The following ANXA11 variants were observed in gnomAD, a reference collection of about 807,000 sequenced individuals.
ANXA11 encodes 56 kDa autoantigen.
In ANXA11, 57 loss-of-function variants were observed where a neutral mutation model predicts 64.7. The ratio of observed to expected loss-of-function variants is 0.88; its 90% CI spans 0.71 to 1.10. The LOEUF is 1.10. ANXA11 is among the 50% of genes least tolerant of loss of function. The pLI is 0.00. For synonymous variants in ANXA11, 260 were observed against 265.2 expected (o/e 0.98, Z 0.19); for missense variants, 675 against 670.7 (o/e 1.01, Z -0.07).
In ANXA11 at chr10:80,205,470, C is replaced by CA; in HGVS notation, c.-186_-185insT. Reference sequence around the variant, plus strand: ...CTGGGTCCCACTCCCGCTCGCGGGGCCCGCGGGGCACTCGGGGCACTGGGG... The same window carrying CA: ...CTGGGTCCCACTCCCGCTCGCGGGGCACCGCGGGGCACTCGGGGCACTGGGG... On this transcript the variant is annotated 5_prime_UTR_variant, in exon 1 of 16. Transcript: ENST00000422982. The CA allele has an allele frequency of 6.6e-6, 1 of 151,948 alleles. No homozygotes were observed. Among genetic ancestry groups the CA allele is most frequent in the South Asian group, 2.1e-4 (1 of 4,836 alleles). The allele number at this position is 151,948 out of a possible 1,614,324, so 9.4% of individuals were successfully genotyped here. A position where few individuals can be genotyped will look rare whatever the true frequency, so the allele number is the denominator to read the frequency against.
At chr10:80,181,394 G>A (rs1271869741) in intron 1 of ANXA11, 1 of 152,120 alleles carries the variant, frequency 6.6e-6, no homozygotes, top group Non-Finnish European at 1.5e-5. Flanking sequence ...CCTGGGAGGT[G>A]GAGGTTGCAG....
chr10:80,161,682 A>T (rs751585872), intron 12 of ANXA11, among the ~76,000 whole-genome samples: 11 of 152,350 alleles, frequency 7.2e-5, no homozygotes, highest in South Asian at 2.1e-4. Flanking sequence ...GGACCCTCCC[A>T]ACTCTGACGT....
At chr10:80,162,645 C>T (rs1316427358) in intron 11 of ANXA11, among the ~76,000 whole-genome samples, 3 of 152,240 alleles carry the variant, frequency 2.0e-5, no homozygotes, top group Admixed American at 2.0e-4. Context: ...CCAGCCCTAA[C>T]AAGGGGGCAT....
rs1457369438 is a variant in ANXA11 at position 80,155,167 on chromosome 10, A to C, written c.*686T>G. 2 of 151,052 alleles carry C rather than the reference A, an allele frequency of 1.3e-5. No homozygotes were observed. The highest frequency in any genetic ancestry group is 2.5e-5 in the African/African-American group (1 of 39,906). 9.4% of individuals were successfully genotyped at this position (151,052 alleles called of 1,614,324 possible). On this transcript the variant is annotated 3_prime_UTR_variant, in exon 16 of 16. Coordinates refer to ENST00000422982, the MANE Select transcript of ANXA11 (RefSeq NM_145868.2). ...CAGAGCTGGCTGACTCTTAATGTGGAAACAAGTTTTGGCTACAGACATTCA... is the reference window on the plus strand; with the variant it reads ...CAGAGCTGGCTGACTCTTAATGTGGCAACAAGTTTTGGCTACAGACATTCA...
intron 1 of ANXA11, among the ~76,000 whole-genome samples, chr10:80,192,433 T>C (rs1050908145): frequency 6.6e-6 from 1 of 151,222 alleles, no homozygotes; most frequent in Non-Finnish European, 1.5e-5. Context: ...CGATGAGAAG[T>C]AGAGGACAAA....
chr10:80,185,093 G>A (rs1846491594), intron 1 of ANXA11, among the ~76,000 whole-genome samples: 1 of 152,188 alleles, frequency 6.6e-6, no homozygotes, highest in Non-Finnish European at 1.5e-5. Flanking sequence ...TCTCAGCAAG[G>A]ACATCACACT....
At chr10:80,190,882 G>C (rs1008877390) in intron 1 of ANXA11, among the ~76,000 whole-genome samples, 2 of 151,710 alleles carry the variant, frequency 1.3e-5, no homozygotes, top group Admixed American at 6.6e-5. Flanking sequence ...CATGAGGCCA[G>C]GAGTTTGAGA....
chr10:80,160,826 T>C (rs1289301247), intron 12 of ANXA11, among the ~76,000 whole-genome samples: 1 of 151,970 alleles, frequency 6.6e-6, no homozygotes, highest in Non-Finnish European at 1.5e-5. Flanking sequence ...TAAAGCCAGC[T>C]CCACCTACAG....
At chr10:80,201,090 C>T (rs1840399193) in intron 1 of ANXA11, among the ~76,000 whole-genome samples, 2 of 152,128 alleles carry the variant, frequency 1.3e-5, no homozygotes, top group African/African-American at 4.8e-5. Flanking sequence ...CATTTCAGAG[C>T]CTGTCTATCA....
At chr10:80,168,725 T>C (rs377126062) in intron 5 of ANXA11, among the ~76,000 whole-genome samples, 93 of 152,132 alleles carry the variant, frequency 6.1e-4, no homozygotes, top group East Asian at 1.6e-3. Context: ...TTAGTAGAGA[T>C]AGGGTTTCAC....
chr10:80,167,450 G>A, intron 5 of ANXA11, 137 bp from the exon 6 acceptor site: 4 of 713,972 alleles, frequency 5.6e-6, no homozygotes, highest in Non-Finnish European at 9.6e-6. Context: ...AGTCAACAAT[G>A]CAGAGGACTT....
Position 80,168,991 on chromosome 10 carries a change from G to A in ANXA11, c.539C>T (p.Thr180Ile). Residue 180 changes from threonine to isoleucine, a missense_variant, in exon 5 of 16, where the codon ACC becomes ATC. Physicochemically the swap from Thr to Ile is moderately conservative, Grantham distance 89. Transcript: ENST00000422982. The part of the protein sequence containing the change: ...YPGYPGSGTV[T>I]PAVPPTQFGS... ...CACCTGGGTTGGGGGCACAGCGGGG[G>A]TGACAGTCCCAGACCCCGGGTATCC... 2 of 1,538,452 alleles carry A rather than the reference G, an allele frequency of 1.3e-6. No homozygotes were observed. The highest frequency in any genetic ancestry group is 2.2e-5 in the Admixed American group (1 of 45,830).
chr10:80,192,132 T>C, intron 1 of ANXA11, among the ~76,000 whole-genome samples: 1 of 152,198 alleles, frequency 6.6e-6, no homozygotes, highest in East Asian at 1.9e-4. Context: ...AGTTCAAGCC[T>C]GGGTTGCTGC....
At chr10:80,157,019 C>G (rs2132355737) in intron 15 of ANXA11, 1 of 985,446 alleles carries the variant, frequency 1.0e-6, no homozygotes, top group South Asian at 4.7e-5. Flanking sequence ...CTCTGCCACA[C>G]AGCGATACAA....
In ANXA11 at chr10:80,158,040, C is replaced by G. The variant is rs1186879806; in HGVS notation, c.1277-15G>C. On this transcript the variant is annotated splice_polypyrimidine_tract_variant and intron_variant, in intron 13 of 15. Transcript: ENST00000422982. The stretch of plus-strand genomic sequence containing the variant: ...GAGACATTTCACTAGAAGAGAGAAA[C>G]TCGGCATAACCAGATCTGCAGAAAA... 3 of 1,613,788 alleles carry G rather than the reference C, an allele frequency of 1.9e-6. No homozygotes were observed. The East Asian group carries it at 6.7e-5, about 36-fold the overall frequency.
In ANXA11 at chr10:80,166,965, G is replaced by A; in HGVS notation, c.669C>T (p.Ile223=). The A allele has an allele frequency of 6.2e-7, 1 of 1,604,356 alleles. No individual in the cohort carries two copies. The highest frequency in any genetic ancestry group is 8.5e-7 in the Non-Finnish European group (1 of 1,176,254). ...TGGAGCGACTCCCCAGGCAGTCAATGATGGCCTGCTCATCCGTCCCTGGAG... is the reference window on the plus strand; with the variant it reads ...TGGAGCGACTCCCCAGGCAGTCAATAATGGCCTGCTCATCCGTCCCTGGAG... ...MKGFGTDEQA[I]IDCLGSRSNK... is the part of the protein sequence containing the mutation. Residue 223 remains isoleucine (I), a synonymous_variant, in exon 7 of 16, where the codon ATC becomes ATT. Coordinates refer to ENST00000422982, the MANE Select transcript of ANXA11 (RefSeq NM_145868.2).
At chr10:80,171,017 A>AAGCCTCG (rs761555970) in intron 3 of ANXA11, 102 bp from the exon 4 acceptor site, 50 of 1,520,410 alleles carry the variant, frequency 3.3e-5, no homozygotes, top group East Asian at 1.8e-4. Flanking sequence ...AGGCCCAGTA[A>AAGCCTCG]AGCCTCGAGC....
intron 1 of ANXA11, among the ~76,000 whole-genome samples, chr10:80,188,736 C>T (rs150937127): frequency 5.3e-5 from 8 of 152,190 alleles, no homozygotes; most frequent in African/African-American, 1.4e-4. Flanking sequence ...AACAGGAACG[C>T]GCTTTGTAAA....
intron 1 of ANXA11, among the ~76,000 whole-genome samples, chr10:80,181,780 A>G (rs968349032): frequency 1.3e-5 from 2 of 152,232 alleles, no homozygotes; most frequent in African/African-American, 4.8e-5. Flanking sequence ...CAAAACACTG[A>G]TAACACCAAA....
Sources: allele counts gnomAD v4.1 joint callset (sites outside exome capture counted in the v4.1 genomes callset), GRCh38; gene constraint gnomAD v4.1.1; transcripts MANE v1.5; gene names NCBI Gene and HGNC (gene_info 2026-07-23, HGNC 2026-07-21).